COL4A6: variants seen among roughly 807,000 people sequenced by gnomAD.
COL4A6 encodes the protein collagen type IV alpha 6 chain.
COL4A6 carries 59 observed loss-of-function variants against 126.7 expected under a neutral mutation model. The observed-to-expected ratio is 0.47, with a 90% CI of 0.38 to 0.58. COL4A6 has a LOEUF of 0.58. COL4A6 is among the 20% of genes least tolerant of loss of function. The probability of loss-of-function intolerance (pLI) is 0.00; values close to 1 mark genes in which losing one functional copy is unlikely to be tolerated. For synonymous variants in COL4A6, 547 were observed against 496.6 expected (o/e 1.10, Z -1.35); for missense variants, 1,285 against 1,337.3 (o/e 0.96, Z 0.61).
chrX:108,171,419 G>A lies in COL4A6; in HGVS notation c.3245C>T (p.Pro1082Leu). Residue 1082 changes from proline to leucine, a missense_variant, in exon 33 of 45, where the codon CCC (proline) becomes CTC (leucine). Physicochemically the swap from Pro to Leu is moderately conservative, Grantham distance 98. Coordinates refer to ENST00000334504, the MANE Select transcript of COL4A6 (RefSeq NM_033641.4). Reference protein sequence around the residue: ...QTVEISGSPGPKGQPGESGFK... With the variant: ...QTVEISGSPGLKGQPGESGFK... ...ACCAGATTCGCCAGGCTGTCCCTTG[G>A]GTCCTGGGCTACCGGAAATTTCAAC... 1.7e-6 allele frequency: 2 copies of A among 1,210,929 alleles called. No homozygotes were observed. The highest frequency in any genetic ancestry group is 2.2e-6 in the Non-Finnish European group (2 of 895,075).
chrX:108,310,557 G>A (rs1193346905), intron 3 of COL4A6, among the ~76,000 whole-genome samples, 191 bp downstream of exon 3: 2 of 112,053 alleles, frequency 1.8e-5, no homozygotes, highest in African/African-American at 6.5e-5. Flanking sequence ...ACCTCTTCTT[G>A]GTACCTCAGA....
At chrX:108,187,412 G>A in intron 22 of COL4A6, 133 bp from the exon 23 acceptor site, 1 of 505,619 alleles carries the variant, frequency 2.0e-6, no homozygotes. Context: ...CATCACCATA[G>A]TTTATCTATC....
In COL4A6 at chrX:108,187,949, G is replaced by T; in HGVS notation, c.1666C>A (p.Pro556Thr). Residue 556 changes from proline to threonine, a missense_variant, in exon 22 of 45, where the codon CCA (proline) becomes ACA (threonine). Coordinates refer to ENST00000334504, the MANE Select transcript of COL4A6 (RefSeq NM_033641.4). ...GAGCCAGAATCACCCCGATCTCCTG[G>T]CATTCCTTGGATTGTACTGAGAATT... The part of the protein sequence containing the change: ...EPILSTIQGM[P>T]GDRGDSGSQG... The T allele has an allele frequency of 8.3e-7, 1 of 1,209,244 alleles. No individual in the cohort carries two copies. Among genetic ancestry groups the T allele is most frequent in the South Asian group, 1.8e-5 (1 of 56,416 alleles).
chrX:108,195,025 G>A, intron 15 of COL4A6, 57 bp downstream of exon 15: 1 of 960,330 alleles, frequency 1.0e-6, no homozygotes. Context: ...GTAAAGCAAG[G>A]GGGACTTTTG....
At chrX:108,347,281 C>G (rs1024671170) in intron 2 of COL4A6, among the ~76,000 whole-genome samples, 1 of 112,152 alleles carries the variant, frequency 8.9e-6, no homozygotes, top group Non-Finnish European at 1.9e-5. Flanking sequence ...CCAAAGAACA[C>G]ACGCAGACAT....
At chrX:108,270,137 C>T in intron 3 of COL4A6, among the ~76,000 whole-genome samples, 1 of 112,133 alleles carries the variant, frequency 8.9e-6, no homozygotes, top group African/African-American at 3.2e-5. Flanking sequence ...TTTCAGCTTT[C>T]TGAGTCTCAG....
At chrX:108,335,183 G>A (rs900333477) in intron 2 of COL4A6, among the ~76,000 whole-genome samples, 2 of 112,310 alleles carry the variant, frequency 1.8e-5, no homozygotes, top group Non-Finnish European at 3.8e-5. Context: ...GTGGCCTGTG[G>A]TGTGTGGGAA....
At chrX:108,334,026 C>G (rs1180525379) in intron 2 of COL4A6, among the ~76,000 whole-genome samples, 1 of 111,281 alleles carries the variant, frequency 9.0e-6, no homozygotes, top group Non-Finnish European at 1.9e-5. Context: ...TGTCATTTTT[C>G]ACAGAATTAG....
rs1407943213 is a variant in COL4A6 at position 108,175,754 on chromosome X, TGG to T, written c.2728_2729del (p.Pro910ArgfsTer32). The T allele has an allele frequency of 8.4e-7, 1 of 1,193,520 alleles. No individual in the cohort carries two copies. On this transcript the variant is annotated frameshift_variant, in exon 29 of 45. Transcript: ENST00000334504. LOFTEE classifies it high-confidence loss of function. ...SVGFVGFPGI[P>X]GLPGIPGTRG... is the part of the protein sequence containing the mutation. ...TTGTTCCAGGAATACCAGGCAGACC[TGG>T]TATTCCTGGAAAACCTACGAATCCA...
In COL4A6 at chrX:108,294,410, T is replaced by G. The variant is rs1328046453; in HGVS notation, c.144+16338A>C. On this transcript the variant is annotated intron_variant, in intron 3 of 44. Coordinates refer to ENST00000334504, the MANE Select transcript of COL4A6 (RefSeq NM_033641.4). ...GTTAGGGCAATTGTGTTTTTTTTTT[T>G]TTTGGTGTGTGTGTGTGTGTGTATG... 2.8e-3 allele frequency among the ~76,000 whole-genome samples: 245 copies of G among 86,625 alleles called. 2 individuals carry two copies. Among genetic ancestry groups the G allele is most frequent in the African/African-American group, 0.011 (222 of 21,086 alleles). 75.2% of individuals were successfully genotyped at this position (86,625 alleles called of 115,157 possible).
rs780758855 is a variant in COL4A6, at chrX:108,166,887, A to AAAGC, written c.3692-1405_3692-1402dup. On this transcript the variant is annotated intron_variant, in intron 37 of 44. Coordinates refer to ENST00000334504, the MANE Select transcript of COL4A6 (RefSeq NM_033641.4). ...ACATATATTATGTATATATACATAT[A>AAAGC]AAGCATATATATGTATAGCTTATAT... 1.7e-3 allele frequency among the ~76,000 whole-genome samples: 185 copies of AAAGC among 109,512 alleles called. 1 individual carries two copies. The highest frequency in any genetic ancestry group is 2.6e-3 in the Non-Finnish European group (139 of 52,925).
chrX:108,197,999 C>A (rs1415601806), intron 13 of COL4A6, among the ~76,000 whole-genome samples: 1 of 111,420 alleles, frequency 9.0e-6, no homozygotes, highest in Non-Finnish European at 1.9e-5. Context: ...AGGCATGCTG[C>A]GACTTGGTGG....
chrX:108,314,834 A>G (rs2038843978), intron 2 of COL4A6, among the ~76,000 whole-genome samples: 1 of 111,996 alleles, frequency 8.9e-6, no homozygotes, highest in African/African-American at 3.2e-5. Context: ...TGATTGGAGG[A>G]CTCAATAAGA....
chrX:108,205,245 C>A (rs760789606), intron 11 of COL4A6, among the ~76,000 whole-genome samples, 194 bp downstream of exon 11: 1 of 111,213 alleles, frequency 9.0e-6, no homozygotes, highest in Admixed American at 9.5e-5. Context: ...GGGAAAAGAA[C>A]CACAATAGCC....
rs59212608 is a variant in COL4A6, at chrX:108,403,233, GCTCTCTCTCTCTCTCTCTCTCTCTCT to G, written c.63+34683_63+34708del. On this transcript the variant is annotated intron_variant, in intron 2 of 44. Coordinates refer to ENST00000334504, the MANE Select transcript of COL4A6 (RefSeq NM_033641.4). ...CCACAATGTATCTATGCAAAGATTA[GCTCTCTCTCTCTCTCTCTCTCTCTCT>G]CTCTCTCTCTCTCTCTCTCTCTCAT... Among the ~76,000 whole-genome samples the G allele has an allele frequency of 8.7e-4, 54 of 62,350 alleles. 2 individuals carry two copies. Among genetic ancestry groups the G allele is most frequent in the Admixed American group, 6.8e-3 (29 of 4,286 alleles). 54.1% of individuals were successfully genotyped at this position (62,350 alleles called of 115,157 possible).
At chrX:108,248,443 T>A (rs1398726273) in intron 3 of COL4A6, among the ~76,000 whole-genome samples, 2 of 110,189 alleles carry the variant, frequency 1.8e-5, no homozygotes, top group Non-Finnish European at 3.8e-5. Context: ...TTTATGTGCT[T>A]CTCTTTGCAC....
chrX:108,254,522 G>GT (rs962195826), intron 3 of COL4A6, among the ~76,000 whole-genome samples: 11 of 107,776 alleles, frequency 1.0e-4, no homozygotes, highest in Middle Eastern at 4.3e-3. Context: ...TTTGTTTTTT[G>GT]TTTTTTTTTG....
chrX:108,190,726 C>T (rs757962869), intron 19 of COL4A6, among the ~76,000 whole-genome samples: 7 of 111,960 alleles, frequency 6.3e-5, no homozygotes, highest in Non-Finnish European at 1.1e-4. Context: ...CATTATGTTC[C>T]AGGCACCGTA....
rs910928840 is a variant in COL4A6, at chrX:108,438,404, C to CT, written c.-209dup. The CT allele has an allele frequency of 9.6e-6, 10 of 1,041,704 alleles. No homozygotes were observed. In the African/African-American group the frequency reaches 1.9e-4, roughly 20 times the overall value. 85.8% of individuals were successfully genotyped at this position (1,041,704 alleles called of 1,213,427 possible). On this transcript the variant is annotated 5_prime_UTR_variant, in exon 1 of 45. Transcript: ENST00000334504. The stretch of plus-strand genomic sequence containing the variant: ...ACAGGCTCAGCGGTGCCCGTTACAA[C>CT]TTGCAGCACTCAGGAGATAGTTCCA...
Sources: gnomAD v4.1 joint callset for allele counts (sites outside exome capture counted in the v4.1 genomes callset) on GRCh38, gnomAD v4.1.1 for gene constraint, MANE v1.5 for transcripts, NCBI Gene and HGNC (gene_info 2026-07-23, HGNC 2026-07-21) for gene names.